SH3BP2: variants seen among roughly 807,000 people sequenced by gnomAD.
The protein encoded by SH3BP2 is SH3 domain-binding protein 2.
Under a neutral mutation model 56.2 loss-of-function variants are expected in SH3BP2, and 38 were observed. That is an observed-to-expected ratio of 0.68 (90% CI 0.52 to 0.89). The LOEUF is 0.89. Ranked by LOEUF, SH3BP2 falls within the 40% of genes least tolerant of loss-of-function variation. The pLI, the probability that SH3BP2 is intolerant of heterozygous loss-of-function variation, is 0.00. For missense variants in SH3BP2, 748 were observed against 762.6 expected, an observed-to-expected ratio of 0.98 and a Z score of 0.23; for synonymous variants, 346 against 316.7, an observed-to-expected ratio of 1.09 and a Z score of -0.98.
intron 5 of SH3BP2, among the ~76,000 whole-genome samples, chr4:2,825,603 CACAG>C: frequency 6.6e-6 from 1 of 152,280 alleles, no homozygotes; most frequent in South Asian, 2.1e-4. Flanking sequence ...TGCACACACA[CACAG>C]AGCATGCACA....
chr4:2,832,522 AC>A, intron 11 of SH3BP2, 110 bp downstream of exon 11: 1 of 824,488 alleles, frequency 1.2e-6, no homozygotes, highest in East Asian at 2.5e-5. Flanking sequence ...GTGGACTCTT[AC>A]TTGGTGTCTC....
rs1380811805 is a variant in SH3BP2, at chr4:2,810,041, T to C, written c.-4-10573T>C. On this transcript the variant is annotated intron_variant, in intron 1 of 12. Coordinates refer to ENST00000503393, the MANE Select transcript of SH3BP2 (RefSeq NM_001122681.2). This position sits in a 1 kb window ranked among gnomAD's most constrained non-coding sequence, Gnocchi z 4.2. Reference sequence around the variant, plus strand: ...TCCATGGTTACCGGCACAGGGTAAATGTCAAGGAGTGGCCATGGCTGAGGA... The same window carrying C: ...TCCATGGTTACCGGCACAGGGTAAACGTCAAGGAGTGGCCATGGCTGAGGA... Among the ~76,000 whole-genome samples the C allele has an allele frequency of 1.3e-5, 2 of 152,164 alleles. No homozygotes were observed. The highest frequency in any genetic ancestry group is 6.5e-5 in the Admixed American group (1 of 15,286).
At chr4:2,818,755 C>A (rs1724139213) in intron 1 of SH3BP2, 1 of 988,462 alleles carries the variant, frequency 1.0e-6, no homozygotes, top group African/African-American at 1.7e-5. Context: ...TGGGACCCGC[C>A]CCTGACCCCT....
rs892288830 is a variant in SH3BP2, at chr4:2,837,007, C to T, written c.*3173C>T. On this transcript the variant is annotated 3_prime_UTR_variant, in exon 13 of 13. Transcript: ENST00000503393. ...TTCCATCCGAAGGATTGTGGTGAGC[C>T]CCGTGCCTTCAGTTAATAAAGATTT... The T allele has an allele frequency of 6.6e-6, 1 of 152,140 alleles. No individual in the cohort carries two copies. Among genetic ancestry groups the T allele is most frequent in the East Asian group, 1.9e-4 (1 of 5,186 alleles). 9.4% of individuals were successfully genotyped at this position (152,140 alleles called of 1,614,324 possible).
At chr4:2,803,760 G>T (rs1172768430) in intron 1 of SH3BP2, among the ~76,000 whole-genome samples, 2 of 152,182 alleles carry the variant, frequency 1.3e-5, no homozygotes, top group East Asian at 3.9e-4. Context: ...TGCTCTGTCT[G>T]ACTCTATGTA....
intron 2 of SH3BP2, among the ~76,000 whole-genome samples, chr4:2,821,604 AGCTGGAGTGTAGTGGCGTGAT>A (rs1310690497): frequency 2.6e-5 from 4 of 151,972 alleles, no homozygotes; most frequent in Non-Finnish European, 5.9e-5. Flanking sequence ...CTGTTGCCCA[AGCTGGAGTGTAGTGGCGTGAT>A]CATGGCTCAC....
intron 1 of SH3BP2, among the ~76,000 whole-genome samples, chr4:2,819,648 C>T (rs946270845): frequency 2.6e-5 from 4 of 152,024 alleles, no homozygotes; most frequent in Admixed American, 2.6e-4. Flanking sequence ...AGTGCAGGGT[C>T]GGGGGGTACT....
At chr4:2,826,917 ATGCCTGTG>A (rs1012997983) in intron 5 of SH3BP2, 7 of 565,968 alleles carry the variant, frequency 1.2e-5, no homozygotes, top group Admixed American at 1.1e-4. Flanking sequence ...ATATATATCC[ATGCCTGTG>A]TGCCTGTGTT....
chr4:2,814,336 C>A (rs11725499), intron 1 of SH3BP2, among the ~76,000 whole-genome samples: 3,310 of 152,258 alleles, frequency 0.022, 55 homozygotes, highest in Non-Finnish European at 0.032. Flanking sequence ...CTCTGTGGGA[C>A]TGAGCACTTT....
Position 2,819,654 on chromosome 4 carries a change from G to A in SH3BP2, c.-4-960G>A, listed in dbSNP as rs369641088. Among the ~76,000 whole-genome samples the A allele has an allele frequency of 4.3e-4, 66 of 152,182 alleles. 1 individual carries two copies. Among genetic ancestry groups the A allele is most frequent in the Non-Finnish European group, 8.4e-4 (57 of 68,042 alleles). On this transcript the variant is annotated intron_variant, in intron 1 of 12. Coordinates refer to ENST00000503393, the MANE Select transcript of SH3BP2 (RefSeq NM_001122681.2). ...AGACCAAACAGTGCAGGGTCGGGGG[G>A]TACTGTTCACTGGGACAAGAGATGA...
In SH3BP2 at chr4:2,810,812, C is replaced by G. The variant is rs986614290; in HGVS notation, c.-4-9802C>G. Among the ~76,000 whole-genome samples the G allele has an allele frequency of 1.3e-5, 2 of 152,206 alleles. No individual in the cohort carries two copies. The highest frequency in any genetic ancestry group is 2.9e-5 in the Non-Finnish European group (2 of 68,032). ...TGTCAGAACTGCCTGCCTCATCGTC[C>G]AGGCTGGGCAGTGGCCCAGGGGTTC... is the stretch of plus-strand genomic sequence containing the variant. On this transcript the variant is annotated intron_variant, in intron 1 of 12. Transcript: ENST00000503393. This position sits in a 1 kb window ranked among gnomAD's most constrained non-coding sequence, Gnocchi z 4.2.
At chr4:2,827,177 G>C (rs766186861) in intron 5 of SH3BP2, 53 bp from the exon 6 acceptor site, 22 of 1,461,146 alleles carry the variant, frequency 1.5e-5, no homozygotes, top group Middle Eastern at 1.7e-4. Flanking sequence ...GAGCATCAAG[G>C]GACCTCCCAG....
At chr4:2,824,992 CATGTTGT>C in intron 4 of SH3BP2, 127 bp from the exon 5 acceptor site, 2 of 832,740 alleles carry the variant, frequency 2.4e-6, no homozygotes, top group Non-Finnish European at 4.0e-6. Flanking sequence ...GCCACACAGC[CATGTTGT>C]ATCCAGCCGG....
Position 2,826,949 on chromosome 4 carries a change from G to C in SH3BP2, c.429-281G>C, listed in dbSNP as rs1225345892. On this transcript the variant is annotated intron_variant, in intron 5 of 12. Transcript: ENST00000503393. ...TGTGCCTGTGTTCCTGCGTGTGCTT[G>C]TGTGTGCACGTGTGCATTTGTGTGT... The C allele has an allele frequency of 4.9e-6, 3 of 618,346 alleles. No homozygotes were observed. In the East Asian group the frequency reaches 1.0e-4, roughly 21 times the overall value. 38.3% of individuals were successfully genotyped at this position (618,346 alleles called of 1,614,324 possible).
chr4:2,840,913 TCTTG>T lies in SH3BP2; in HGVS notation c.*7083_*7086del, dbSNP rs1663434998. ...GATTTTATATTTTTGTCCATTGTGG[TCTTG>T]CTTATCTTAAGTTTGATTTGTAAAT... is the stretch of plus-strand genomic sequence containing the variant. On this transcript the variant is annotated 3_prime_UTR_variant, in exon 13 of 13. Transcript: ENST00000503393. 6.6e-6 allele frequency: 1 copy of T among 152,218 alleles called. No individual in the cohort carries two copies. The highest frequency in any genetic ancestry group is 1.5e-5 in the Non-Finnish European group (1 of 68,042). The allele number at this position is 152,218 out of a possible 1,614,324, so 9.4% of individuals were successfully genotyped here. A position where few individuals can be genotyped will look rare whatever the true frequency, so the allele number is the denominator to read the frequency against.
At chr4:2,803,258 G>T (rs2004189) in intron 1 of SH3BP2, among the ~76,000 whole-genome samples, 17 of 151,924 alleles carry the variant, frequency 1.1e-4, no homozygotes, top group Admixed American at 1.1e-3. Flanking sequence ...GGTGGGAGCA[G>T]TGGGGCTGGG....
intron 1 of SH3BP2, chr4:2,812,563 G>T: frequency 6.8e-7 from 1 of 1,467,628 alleles, no homozygotes; most frequent in South Asian, 1.3e-5. Context: ...CCACGTGGGA[G>T]CCACAGCCTT....
Position 2,829,919 on chromosome 4 carries a change from A to C in SH3BP2, c.1013A>C (p.His338Pro). 6.2e-7 allele frequency: 1 copy of C among 1,613,518 alleles called. No homozygotes were observed. Among genetic ancestry groups the C allele is most frequent in the Non-Finnish European group, 8.5e-7 (1 of 1,179,920 alleles). The change falls in exon 8 of 13, where the codon CAC becomes CCC. Residue 338 changes from histidine to proline, a missense_variant. Around this residue, in one of 3 missense-constraint regions of SH3BP2, gnomAD observed 635 missense variants for 615.0 expected, o/e 1.03. Transcript: ENST00000503393. This position sits in a 1 kb window ranked among gnomAD's most constrained non-coding sequence, Gnocchi z 4.9. ...AACTGTGACAAACTCAAGTCCTTCC[A>C]CCTGTCCCCCCGAGGACCACCCACA... is the stretch of plus-strand genomic sequence containing the variant. ...SRNCDKLKSF[H>P]LSPRGPPTSE...
Position 2,830,009 on chromosome 4 carries a change from C to G in SH3BP2, c.1103C>G (p.Pro368Arg), listed in dbSNP as rs781072584. ...CTGAAGATAGCTGAAGAGGACCCCC[C>G]AAGGGAGGCAGCCATGCCCGGACTC... ...KFLKIAEEDPPREAAMPGLFV... is the reference protein window; with the variant it reads ...KFLKIAEEDPRREAAMPGLFV... Residue 368 changes from proline to arginine, a missense_variant, in exon 8 of 13, where the codon CCA becomes CGA. This residue lies in a region of SH3BP2 where 635 missense variants were observed against 615.0 expected (regional missense o/e 1.03). Coordinates refer to ENST00000503393, the MANE Select transcript of SH3BP2 (RefSeq NM_001122681.2). 2 of 1,613,050 alleles carry G rather than the reference C, an allele frequency of 1.2e-6. No individual in the cohort carries two copies. Among genetic ancestry groups the G allele is most frequent in the South Asian group, 2.2e-5 (2 of 91,082 alleles).
Sources: allele counts gnomAD v4.1 joint callset (sites outside exome capture counted in the v4.1 genomes callset), GRCh38; gene constraint gnomAD v4.1.1; regional missense constraint gnomAD v4.1.1; non-coding constraint Gnocchi (gnomAD v3.1); transcripts MANE v1.5; gene names NCBI Gene and HGNC (gene_info 2026-07-23, HGNC 2026-07-21).